The following C2orf49 variants were observed in gnomAD, a reference collection of about 807,000 sequenced individuals.
C2orf49 encodes the protein tRNA splicing ligase complex subunit 2.
C2orf49 carries 11 observed loss-of-function variants against 20.6 expected under a neutral mutation model. That is an observed-to-expected ratio of 0.53 (90% CI 0.34 to 0.88). The LOEUF is 0.88. Ranked by LOEUF, C2orf49 falls within the 40% of genes least tolerant of loss-of-function variation. The pLI is 0.02. For synonymous variants in C2orf49, 134 were observed against 108.5 expected, an observed-to-expected ratio of 1.24 and a Z score of -1.46; for missense variants, 289 against 274.2, an observed-to-expected ratio of 1.05 and a Z score of -0.38.
At chr2:105,370,576 G>T in the C2orf49 span, among the ~76,000 whole-genome samples, 1 of 152,110 alleles carries the variant, frequency 6.6e-6, no homozygotes, top group Non-Finnish European at 1.5e-5. Context: ...TGACTTGTGT[G>T]GGGGGTGTGG....
the C2orf49 span, among the ~76,000 whole-genome samples, chr2:105,371,364 T>G: frequency 6.6e-6 from 1 of 152,160 alleles, no homozygotes; most frequent in Non-Finnish European, 1.5e-5. Context: ...TAAGGGCAAC[T>G]AATTCTTCTC....
chr2:105,379,968 T>A, the C2orf49 span, among the ~76,000 whole-genome samples: 2 of 152,230 alleles, frequency 1.3e-5, no homozygotes, highest in African/African-American at 4.8e-5. Context: ...GGGGTTTCCC[T>A]GTCACTCTCT....
At position 105,343,072 on chromosome 2, in the gene C2orf49, C is replaced by T. The variant is rs772600813; in HGVS notation, c.491C>T (p.Thr164Met). Residue 164 changes from threonine to methionine, a missense_variant, in exon 3 of 4, where the codon ACG becomes ATG. Physicochemically the swap from Thr to Met is moderately conservative, Grantham distance 81. Coordinates refer to ENST00000258457, the MANE Select transcript of C2orf49 (RefSeq NM_024093.3). ...LSSNLPVNNK[T>M]EHNNNDAKQN... ...TCCAATTTGCCTGTGAACAATAAAA[C>T]GGAACACAATAATAATGACGCTAAA... 29 of 1,614,046 alleles carry T rather than the reference C, an allele frequency of 1.8e-5. No homozygotes were observed. Among genetic ancestry groups the T allele is most frequent in the East Asian group, 1.1e-4 (5 of 44,894 alleles).
the C2orf49 span, among the ~76,000 whole-genome samples, chr2:105,361,842 A>G: frequency 2.6e-5 from 4 of 152,148 alleles, no homozygotes; most frequent in African/African-American, 9.7e-5. Context: ...TAGAAGAGGA[A>G]AAGGTTAATC....
At chr2:105,376,701 A>G in the C2orf49 span, 1 of 152,250 alleles carries the variant, frequency 6.6e-6, no homozygotes, top group African/African-American at 2.4e-5. Context: ...TCTCGAAGAT[A>G]TATTTGTACA....
intron 2 of C2orf49, among the ~76,000 whole-genome samples, chr2:105,341,906 A>G (rs1431022515): frequency 1.3e-5 from 2 of 152,182 alleles, no homozygotes; most frequent in African/African-American, 4.8e-5. Flanking sequence ...GGCCAAGAGC[A>G]GTGGCTCACG....
chr2:105,352,548 G>A (rs960967959), downstream of C2orf49, among the ~76,000 whole-genome samples: 6 of 145,346 alleles, frequency 4.1e-5, no homozygotes, highest in South Asian at 4.6e-4. Context: ...GGGTTCAAGC[G>A]ATTCTCCTGC....
chr2:105,364,941 T>C, the C2orf49 span, among the ~76,000 whole-genome samples: 1 of 152,186 alleles, frequency 6.6e-6, no homozygotes, highest in Non-Finnish European at 1.5e-5. Context: ...AGCATCTTAG[T>C]ATAACCCACC....
At chr2:105,366,776 C>T in the C2orf49 span, among the ~76,000 whole-genome samples, 45 of 152,256 alleles carry the variant, frequency 3.0e-4, no homozygotes, top group Non-Finnish European at 5.4e-4. Context: ...GATGGAGTCT[C>T]GCTCAGTCGC....
At chr2:105,369,162 T>C in the C2orf49 span, among the ~76,000 whole-genome samples, 1 of 152,164 alleles carries the variant, frequency 6.6e-6, no homozygotes, top group Non-Finnish European at 1.5e-5. Context: ...GAGGGTCACA[T>C]ACATGTGACT....
rs545348834 is a variant in C2orf49, at chr2:105,341,219, A to G, written c.266+1470A>G. On this transcript the variant is annotated intron_variant, in intron 2 of 3. Transcript: ENST00000258457. Reference sequence around the variant, plus strand: ...TTCCTCTTGATCAGCACATTCAGGCATATTGTTCTAGTAAGCAAAACTTTA... The same window carrying G: ...TTCCTCTTGATCAGCACATTCAGGCGTATTGTTCTAGTAAGCAAAACTTTA... Among the ~76,000 whole-genome samples the G allele has an allele frequency of 1.4e-3, 206 of 152,358 alleles. 1 individual carries two copies. Among genetic ancestry groups the G allele is most frequent in the South Asian group, 3.5e-3 (17 of 4,832 alleles).
rs375617589 is a variant in C2orf49 at position 105,339,767 on chromosome 2, T to C, written c.266+18T>C. 5 of 1,557,174 alleles carry C rather than the reference T, an allele frequency of 3.2e-6. No individual in the cohort carries two copies. The highest frequency in any genetic ancestry group is 4.3e-6 in the Non-Finnish European group (5 of 1,158,148). On this transcript the variant is annotated intron_variant, in intron 2 of 3. Transcript: ENST00000258457. ...ACTAAAAGGTACTTTTTGGTGGTTC[T>C]AGCTTTCAATTTATCTTATATAACT...
chr2:105,358,095 T>C, the C2orf49 span: 3 of 152,240 alleles, frequency 2.0e-5, no homozygotes, highest in Non-Finnish European at 4.4e-5. Context: ...GTTAAACTTC[T>C]GGCTGGTCTG....
chr2:105,366,296 G>A, the C2orf49 span, among the ~76,000 whole-genome samples: 24,907 of 152,250 alleles, frequency 0.16, 2,273 homozygotes, highest in South Asian at 0.22. Flanking sequence ...TGTGGGCAAG[G>A]TGGGGATATT....
chr2:105,361,358 G>A, the C2orf49 span: 1 of 1,613,988 alleles, frequency 6.2e-7, no homozygotes, highest in Admixed American at 1.7e-5. Context: ...CCAGTGAGAG[G>A]GAGCACTTCT....
rs186831577 is a variant in C2orf49 at position 105,339,453 on chromosome 2, C to T, written c.100-130C>T. 4.8e-3 allele frequency: 3,629 copies of T among 754,982 alleles called. 14 individuals carry two copies. Among genetic ancestry groups the T allele is most frequent in the Middle Eastern group, 0.014 (58 of 4,042 alleles). The allele number at this position is 754,982 out of a possible 1,614,324, so 46.8% of individuals were successfully genotyped here. On this transcript the variant is annotated intron_variant, in intron 1 of 3. Coordinates refer to ENST00000258457, the MANE Select transcript of C2orf49 (RefSeq NM_024093.3). ...ACCTTTAACACTGTCTCTAAGTGCG[C>T]GTGTTATTGTGAAAATGGCTTTTTA...
At chr2:105,354,390 T>A in the C2orf49 span, among the ~76,000 whole-genome samples, 953 of 152,228 alleles carry the variant, frequency 6.3e-3, 9 homozygotes, top group Non-Finnish European at 0.011. Context: ...CCTGGCCAGG[T>A]GTGGTGGCTC....
the C2orf49 span, among the ~76,000 whole-genome samples, chr2:105,384,771 G>A: frequency 1.3e-5 from 2 of 152,232 alleles, no homozygotes; most frequent in Non-Finnish European, 2.9e-5. Flanking sequence ...GCCTCCCAAA[G>A]TGCTGGGATT....
At chr2:105,363,178 A>G in the C2orf49 span, 1 of 1,044,536 alleles carries the variant, frequency 9.6e-7, no homozygotes, top group African/African-American at 1.6e-5. Flanking sequence ...TCAGAGCCTT[A>G]GGGAGGTCTG....
Sources: allele counts gnomAD v4.1 joint callset (sites outside exome capture counted in the v4.1 genomes callset), GRCh38; gene constraint gnomAD v4.1.1; transcripts MANE v1.5; gene names NCBI Gene and HGNC (gene_info 2026-07-23, HGNC 2026-07-21).